MALRD1: variants seen among roughly 807,000 people sequenced by gnomAD.
MALRD1 encodes MAM and LDL receptor class A domain containing 1.
A neutral mutation model predicts 242.1 loss-of-function variants in MALRD1; 247 were observed. That is an observed-to-expected ratio of 1.02 (90% CI 0.92 to 1.13). MALRD1 has a LOEUF of 1.13. Among genes scored for constraint, MALRD1 ranks in the 50% most tolerant of loss-of-function variants. The pLI is 0.00. For synonymous variants in MALRD1, 995 were observed against 866.6 expected, an observed-to-expected ratio of 1.15 and a Z score of -2.60; for missense variants, 2,989 against 2,533.1, an observed-to-expected ratio of 1.18 and a Z score of -3.86.
intron 28 of MALRD1, among the ~76,000 whole-genome samples, chr10:19,399,730 T>C (rs1846750183): frequency 6.6e-6 from 1 of 152,182 alleles, no homozygotes. Flanking sequence ...GGAATTTTAA[T>C]TAAAATAAAT....
chr10:19,676,787 C>G (rs2131779051), intron 36 of MALRD1, among the ~76,000 whole-genome samples: 1 of 152,186 alleles, frequency 6.6e-6, no homozygotes, highest in East Asian at 1.9e-4. Flanking sequence ...CGTATTAAGC[C>G]TGGCATGCGT....
At chr10:19,548,809 T>A (rs2131400010) in intron 32 of MALRD1, among the ~76,000 whole-genome samples, 1 of 152,312 alleles carries the variant, frequency 6.6e-6, no homozygotes, top group Non-Finnish European at 1.5e-5. Flanking sequence ...GGTCTTTAAG[T>A]GTTCAAGCGA....
chr10:19,142,004 C>G (rs1833560736), intron 10 of MALRD1, among the ~76,000 whole-genome samples: 3 of 151,692 alleles, frequency 2.0e-5, no homozygotes, highest in Non-Finnish European at 1.5e-5. Flanking sequence ...AACCCCATCT[C>G]TACTAAAAAT....
At chr10:19,190,273 A>G (rs930007538) in intron 14 of MALRD1, among the ~76,000 whole-genome samples, 1 of 152,006 alleles carries the variant, frequency 6.6e-6, no homozygotes, top group Non-Finnish European at 1.5e-5. Context: ...ACAATAAAAA[A>G]TAAAAAACAT....
chr10:19,210,799 C>T (rs1256879357), intron 18 of MALRD1, among the ~76,000 whole-genome samples: 1 of 152,142 alleles, frequency 6.6e-6, no homozygotes, highest in Non-Finnish European at 1.5e-5. Flanking sequence ...AACGAATCCC[C>T]CATCTATAGT....
At chr10:19,598,446 G>C (rs916491515) in intron 34 of MALRD1, 2 of 150,752 alleles carry the variant, frequency 1.3e-5, no homozygotes, top group African/African-American at 4.9e-5. Context: ...AAAAGGGAGA[G>C]AATGCAGTCT....
chr10:19,257,364 A>T (rs1255937870), intron 18 of MALRD1, among the ~76,000 whole-genome samples: 1 of 152,178 alleles, frequency 6.6e-6, no homozygotes, highest in Non-Finnish European at 1.5e-5. Flanking sequence ...GAAGGGAACA[A>T]CACAAATCTA....
intron 32 of MALRD1, among the ~76,000 whole-genome samples, chr10:19,540,843 A>G (rs1834934929): frequency 6.6e-6 from 1 of 152,218 alleles, no homozygotes; most frequent in African/African-American, 2.4e-5. Flanking sequence ...GTCCAAGCAC[A>G]GTGGCTCACG....
chr10:19,482,806 A>G (rs139897877), intron 29 of MALRD1, among the ~76,000 whole-genome samples: 1 of 152,158 alleles, frequency 6.6e-6, no homozygotes, highest in African/African-American at 2.4e-5. Context: ...AACACAAAAA[A>G]TGTAAAAACA....
At chr10:19,705,929 G>C (rs1357555848) in intron 38 of MALRD1, among the ~76,000 whole-genome samples, 1 of 151,358 alleles carries the variant, frequency 6.6e-6, no homozygotes, top group Non-Finnish European at 1.5e-5. Flanking sequence ...ATTTCATGAA[G>C]TTAGACCTCC....
chr10:19,390,316 G>C (rs1396193653), intron 28 of MALRD1, among the ~76,000 whole-genome samples: 1 of 152,090 alleles, frequency 6.6e-6, no homozygotes, highest in Non-Finnish European at 1.5e-5. Context: ...TAGACATTCT[G>C]GTTCTAAGCA....
chr10:19,435,676 T>C (rs933500383), intron 28 of MALRD1, among the ~76,000 whole-genome samples: 2 of 152,158 alleles, frequency 1.3e-5, no homozygotes, highest in East Asian at 1.9e-4. Context: ...AAGGTCATGG[T>C]TGATAGTAAC....
intron 29 of MALRD1, chr10:19,488,908 A>C (rs1837347646): frequency 2.8e-6 from 1 of 361,144 alleles, no homozygotes; most frequent in Non-Finnish European, 5.6e-6. Flanking sequence ...TCTAAGAAGT[A>C]GTTTGGGTTA....
intron 36 of MALRD1, among the ~76,000 whole-genome samples, chr10:19,689,371 G>C (rs1384784712): frequency 6.6e-6 from 1 of 151,880 alleles, no homozygotes; most frequent in African/African-American, 2.4e-5. Context: ...TACATTTGTG[G>C]GTAATTTCCT....
chr10:19,130,490 A>G (rs1833058910), intron 8 of MALRD1, among the ~76,000 whole-genome samples: 1 of 152,300 alleles, frequency 6.6e-6, no homozygotes, highest in East Asian at 1.9e-4. Context: ...TGCTTTTCAG[A>G]TGACAGATAA....
chr10:19,205,175 TG>T lies in MALRD1; in HGVS notation c.2490del (p.Trp830CysfsTer9). The T allele has an allele frequency of 6.4e-7, 1 of 1,551,036 alleles. No homozygotes were observed. The highest frequency in any genetic ancestry group is 1.2e-5 in the South Asian group (1 of 84,064). On this transcript the variant is annotated frameshift_variant, in exon 17 of 40. Transcript: ENST00000454679. LOFTEE classifies it high-confidence loss of function. ...AESCEGLDHF[W>X]CRHTRACIEK... ...GAGCTGTGAAGGGCTGGATCATTTC[TG>T]GTGTCGCCACACCAGGGCTTGCATA...
intron 34 of MALRD1, among the ~76,000 whole-genome samples, chr10:19,595,684 C>T (rs551682654): frequency 3.9e-4 from 59 of 152,198 alleles, no homozygotes; most frequent in African/African-American, 1.4e-3. Flanking sequence ...CTATCTTTTT[C>T]CTTTTCCATT....
intron 31 of MALRD1, among the ~76,000 whole-genome samples, chr10:19,524,870 C>A (rs1834031713): frequency 6.6e-6 from 1 of 151,054 alleles, no homozygotes; most frequent in South Asian, 2.1e-4. Flanking sequence ...CAAAGCATAC[C>A]TTTCCTTTAT....
intron 21 of MALRD1, among the ~76,000 whole-genome samples, chr10:19,305,805 A>G (rs1317356345): frequency 2.1e-5 from 3 of 141,040 alleles, no homozygotes; most frequent in Non-Finnish European, 4.6e-5. Flanking sequence ...CCATATATAT[A>G]CTATCTATTA....
Sources: allele counts gnomAD v4.1 joint callset (sites outside exome capture counted in the v4.1 genomes callset), GRCh38; gene constraint gnomAD v4.1.1; transcripts MANE v1.5; gene names NCBI Gene and HGNC (gene_info 2026-07-23, HGNC 2026-07-21).